Variants in CDH12 observed in about 807,000 individuals in gnomAD.
The protein encoded by CDH12 is cadherin-12.
In CDH12, 41 loss-of-function variants were observed where a neutral mutation model predicts 74.1. The observed-to-expected ratio is 0.55, with a 90% CI of 0.43 to 0.72. CDH12 has a LOEUF of 0.72. Among genes scored for constraint, CDH12 ranks in the 30% least tolerant of loss-of-function variants. CDH12 has a pLI of 0.00. For missense variants in CDH12, 945 were observed against 977.2 expected (o/e 0.97, Z 0.44); for synonymous variants, 399 against 355.0 (o/e 1.12, Z -1.39).
At chr5:22,632,864 A>G (rs1370278763) in intron 1 of CDH12, among the ~76,000 whole-genome samples, 1 of 152,150 alleles carries the variant, frequency 6.6e-6, no homozygotes, top group African/African-American at 2.4e-5. Context: ...CCACCCCTAG[A>G]TATAGACACA....
At chr5:22,033,411 G>A (rs543288883) in intron 5 of CDH12, among the ~76,000 whole-genome samples, 2 of 152,090 alleles carry the variant, frequency 1.3e-5, no homozygotes, top group African/African-American at 2.4e-5. Flanking sequence ...ACTTAAAATC[G>A]TTATCCAAAA....
intron 1 of CDH12, among the ~76,000 whole-genome samples, chr5:22,688,460 C>T (rs149448470): frequency 2.6e-5 from 4 of 152,248 alleles, no homozygotes; most frequent in East Asian, 1.9e-4. Flanking sequence ...AGAAATTTCT[C>T]GCTTCCACTT....
intron 1 of CDH12, chr5:22,638,966 G>A (rs1461819291): frequency 2.7e-5 from 4 of 148,438 alleles, no homozygotes; most frequent in African/African-American, 9.9e-5. Flanking sequence ...CAGGAGAATG[G>A]CGTGAACCCG....
chr5:22,161,576 C>T (rs961380394), intron 4 of CDH12, among the ~76,000 whole-genome samples: 5 of 151,896 alleles, frequency 3.3e-5, no homozygotes, highest in African/African-American at 9.7e-5. Context: ...CATGGTTGCA[C>T]GTGCATGTAA....
At chr5:21,858,201 T>A (rs959918673) in intron 6 of CDH12, among the ~76,000 whole-genome samples, 4 of 151,872 alleles carry the variant, frequency 2.6e-5, no homozygotes, top group Non-Finnish European at 5.9e-5. Flanking sequence ...CATTTTAGTA[T>A]ACAGATATGT....
intron 10 of CDH12, among the ~76,000 whole-genome samples, chr5:21,783,768 C>T (rs191015470): frequency 1.0e-3 from 156 of 152,178 alleles, no homozygotes; most frequent in African/African-American, 3.7e-3. Context: ...TAAAGCTGAC[C>T]ATGAGTTTCC....
intron 4 of CDH12, among the ~76,000 whole-genome samples, chr5:22,084,002 T>C (rs1742908245): frequency 6.6e-6 from 1 of 152,114 alleles, no homozygotes. Flanking sequence ...AGTCCAGAGA[T>C]CCAAGACTCC....
At chr5:22,059,378 T>C (rs1288401702) in intron 5 of CDH12, among the ~76,000 whole-genome samples, 1 of 86,252 alleles carries the variant, frequency 1.2e-5, no homozygotes, top group Non-Finnish European at 2.1e-5. Flanking sequence ...TATCTATCTA[T>C]CTATCTATCT....
At chr5:22,113,672 T>C (rs62349109) in intron 4 of CDH12, among the ~76,000 whole-genome samples, 6,405 of 152,214 alleles carry the variant, frequency 0.042, 190 homozygotes, top group Non-Finnish European at 0.067. Context: ...GAGGGCTGTG[T>C]CACAGGCCAT....
At chr5:22,801,636 CATATATATATATATATATATATATAT>C (rs568139109) in intron 1 of CDH12, among the ~76,000 whole-genome samples, 22 of 50,892 alleles carry the variant, frequency 4.3e-4, no homozygotes, top group South Asian at 9.8e-4. Flanking sequence ...CTCTGCTTAT[CATATATATATATATATATATATATAT>C]ATATATATAT....
chr5:22,345,666 T>C (rs1416222952), intron 3 of CDH12, among the ~76,000 whole-genome samples: 1 of 152,172 alleles, frequency 6.6e-6, no homozygotes, highest in Non-Finnish European at 1.5e-5. Flanking sequence ...ATTAAAATCA[T>C]CTAATTGTAT....
chr5:21,767,752 A>G (rs1255523945), intron 11 of CDH12, among the ~76,000 whole-genome samples: 1 of 151,512 alleles, frequency 6.6e-6, no homozygotes, highest in African/African-American at 2.4e-5. Flanking sequence ...TCTATCATGT[A>G]TTTTCAAAAC....
intron 3 of CDH12, among the ~76,000 whole-genome samples, chr5:22,357,672 A>G (rs1740621761): frequency 6.6e-6 from 1 of 152,312 alleles, no homozygotes; most frequent in South Asian, 2.1e-4. Context: ...TATATAAGTC[A>G]GTGAGTAGTT....
At chr5:22,436,905 G>A (rs757100739) in intron 2 of CDH12, among the ~76,000 whole-genome samples, 1 of 152,058 alleles carries the variant, frequency 6.6e-6, no homozygotes, top group Non-Finnish European at 1.5e-5. Context: ...ATGTTTGTAT[G>A]TGCATGTACA....
At chr5:22,529,789 G>A (rs1284930427) in intron 1 of CDH12, among the ~76,000 whole-genome samples, 1 of 152,078 alleles carries the variant, frequency 6.6e-6, no homozygotes, top group Admixed American at 6.6e-5. Flanking sequence ...CCAGATATTG[G>A]CAATGAGAAA....
chr5:22,513,752 T>C lies in CDH12; in HGVS notation c.-522-8388A>G, dbSNP rs193133247. Among the ~76,000 whole-genome samples the C allele has an allele frequency of 2.3e-3, 353 of 151,778 alleles. 1 individual carries two copies. The highest frequency in any genetic ancestry group is 2.7e-3 in the Non-Finnish European group (185 of 67,890). ...CATGAGGTCAGGAGTTTGAGACCAGTCTAGCCAACACGGTGAAACCCCATC... is the reference window on the plus strand; with the variant it reads ...CATGAGGTCAGGAGTTTGAGACCAGCCTAGCCAACACGGTGAAACCCCATC... On this transcript the variant is annotated intron_variant, in intron 1 of 14. Coordinates refer to ENST00000382254, the MANE Select transcript of CDH12 (RefSeq NM_004061.5).
intron 1 of CDH12, among the ~76,000 whole-genome samples, chr5:22,696,990 C>A (rs1227835351): frequency 6.6e-6 from 1 of 152,054 alleles, no homozygotes; most frequent in Non-Finnish European, 1.5e-5. Flanking sequence ...TACCGTGTAA[C>A]CCAGATTGAA....
intron 1 of CDH12, among the ~76,000 whole-genome samples, chr5:22,518,435 T>G (rs968269240): frequency 3.3e-5 from 5 of 152,192 alleles, no homozygotes; most frequent in African/African-American, 1.2e-4. Context: ...CATTGTGGTT[T>G]CCATGCATAT....
intron 4 of CDH12, among the ~76,000 whole-genome samples, chr5:22,185,279 A>C (rs897960513): frequency 1.3e-5 from 2 of 150,742 alleles, no homozygotes; most frequent in African/African-American, 4.9e-5. Context: ...GCTCACTGCA[A>C]TCTCTGCCTC....
Sources: gnomAD v4.1 joint callset for allele counts (sites outside exome capture counted in the v4.1 genomes callset) on GRCh38, gnomAD v4.1.1 for gene constraint, MANE v1.5 for transcripts, NCBI Gene and HGNC (gene_info 2026-07-23, HGNC 2026-07-21) for gene names.